CPXM2: variants seen among roughly 807,000 people sequenced by gnomAD.
CPXM2 encodes inactive carboxypeptidase-like protein X2.
A neutral mutation model predicts 86.1 loss-of-function variants in CPXM2; 66 were observed. The observed-to-expected ratio is 0.77, with a 90% CI of 0.63 to 0.94. The LOEUF (loss-of-function observed/expected upper bound fraction) is 0.94, where lower values mean the gene tolerates loss of function less well. CPXM2 is among the 40% of genes least tolerant of loss of function. The probability of loss-of-function intolerance (pLI) is 0.00; values close to 1 mark genes in which losing one functional copy is unlikely to be tolerated. For missense variants in CPXM2, 948 were observed against 1,026.3 expected, an observed-to-expected ratio of 0.92 and a Z score of 1.04; for synonymous variants, 388 against 400.2, an observed-to-expected ratio of 0.97 and a Z score of 0.36.
intron 2 of CPXM2, among the ~76,000 whole-genome samples, chr10:123,868,504 C>G (rs1381089891): frequency 6.6e-6 from 1 of 152,126 alleles, no homozygotes; most frequent in Admixed American, 6.6e-5. Flanking sequence ...TGTCTAGGAC[C>G]TGCCAGGAGA....
At chr10:123,882,815 C>T (rs1218486216) in intron 1 of CPXM2, among the ~76,000 whole-genome samples, 1 of 141,400 alleles carries the variant, frequency 7.1e-6, no homozygotes, top group Non-Finnish European at 1.5e-5. Context: ...GCCTGAAAAA[C>T]CCCCAACTCC....
intron 7 of CPXM2, among the ~76,000 whole-genome samples, chr10:123,773,741 G>A (rs182680941): frequency 1.3e-5 from 2 of 152,284 alleles, no homozygotes; most frequent in African/African-American, 2.4e-5. Context: ...GGGGTTAAAT[G>A]GTAGGAAAAG....
chr10:123,903,771 G>A lies in CPXM2; in HGVS notation n.175-23462C>T, dbSNP rs141071593. Among the ~76,000 whole-genome samples, 27 of 152,356 alleles carry A rather than the reference G, an allele frequency of 1.8e-4. No homozygotes were observed. In the East Asian group the frequency reaches 4.0e-3, roughly 23 times the overall value. On this transcript the variant is annotated intron_variant and non_coding_transcript_variant, in intron 2 of 19. Coordinates refer to the CPXM2 transcript ENST00000368854. ...CACTTGAAATTTTACAACAGATCTC[G>A]TTCTCAAAGGAGGAAAAAGTGGAGC...
At position 123,762,056 on chromosome 10, in the gene CPXM2, C is replaced by T; in HGVS notation, c.1593G>A (p.Arg531=). The T allele has an allele frequency of 1.2e-6, 2 of 1,614,014 alleles. No individual in the cohort carries two copies. The highest frequency in any genetic ancestry group is 1.7e-6 in the Non-Finnish European group (2 of 1,179,980). The change falls in exon 11 of 14, where the codon CGG becomes CGA. Residue 531 remains arginine (R), a synonymous_variant. Transcript: ENST00000241305. ...LVVAYPYDLV[R]SPWKTQEHTP... ...TGTGTTCCTGCGTCTTCCAGGGGGA[C>T]CGCACCAGGTCGTAGGGGTACGCCA... is the stretch of plus-strand genomic sequence containing the variant.
chr10:123,757,385 ACAATAC>A (rs767781478), intron 11 of CPXM2, 33 bp from the exon 12 acceptor site: 2 of 1,593,814 alleles, frequency 1.3e-6, no homozygotes, highest in Admixed American at 1.7e-5. Flanking sequence ...CTTTAACTGA[ACAATAC>A]TCAAAATGGC....
chr10:123,805,008 A>T (rs1263515564), intron 4 of CPXM2, among the ~76,000 whole-genome samples: 3 of 152,098 alleles, frequency 2.0e-5, no homozygotes, highest in Non-Finnish European at 4.4e-5. Flanking sequence ...AAGAGGACTT[A>T]TTACACATTC....
intron 13 of CPXM2, chr10:123,751,865 G>T: frequency 1.0e-6 from 1 of 985,236 alleles, no homozygotes; most frequent in Non-Finnish European, 1.2e-6. Context: ...ATTTATAGAG[G>T]GGAAAATCAA....
chr10:123,877,611 A>C (rs996167069), intron 2 of CPXM2, among the ~76,000 whole-genome samples: 1 of 152,188 alleles, frequency 6.6e-6, no homozygotes, highest in African/African-American at 2.4e-5. Context: ...TTCACCATCT[A>C]TTGGCCTAAA....
chr10:123,755,890 C>T (rs963914899), intron 12 of CPXM2, among the ~76,000 whole-genome samples: 4 of 152,204 alleles, frequency 2.6e-5, no homozygotes, highest in Non-Finnish European at 4.4e-5. Flanking sequence ...TTTCTCTTTA[C>T]AGGGATGCAA....
At chr10:123,880,331 C>A (rs770927444) in intron 1 of CPXM2, 22 bp from the exon 2 acceptor site, 1 of 1,043,364 alleles carries the variant, frequency 9.6e-7, no homozygotes, top group East Asian at 2.4e-5. Flanking sequence ...GAGAGAGATG[C>A]CTTTACTTTC....
At chr10:123,816,154 A>C (rs1847809248) in intron 4 of CPXM2, among the ~76,000 whole-genome samples, 1 of 152,174 alleles carries the variant, frequency 6.6e-6, no homozygotes, top group Admixed American at 6.5e-5. Context: ...CATCCCAGCT[A>C]GGAGGGTCCA....
intron 2 of CPXM2, among the ~76,000 whole-genome samples, chr10:123,867,259 T>G (rs1944806651): frequency 6.6e-6 from 1 of 152,196 alleles, no homozygotes; most frequent in African/African-American, 2.4e-5. Context: ...CAAGCCCATC[T>G]TAAAGACATA....
intron 6 of CPXM2, among the ~76,000 whole-genome samples, chr10:123,782,044 T>C (rs942744137): frequency 1.4e-4 from 22 of 152,304 alleles, no homozygotes; most frequent in African/African-American, 4.6e-4. Context: ...AACAAATAAC[T>C]GTTATGCGAA....
chr10:123,787,561 T>G (rs552949701), intron 6 of CPXM2, among the ~76,000 whole-genome samples: 1 of 152,256 alleles, frequency 6.6e-6, no homozygotes, highest in East Asian at 1.9e-4. Context: ...CTCAAACTCC[T>G]GACCTCAGGT....
intron 6 of CPXM2, among the ~76,000 whole-genome samples, chr10:123,790,087 C>T (rs1241738992): frequency 1.3e-5 from 2 of 152,034 alleles, no homozygotes; most frequent in African/African-American, 2.4e-5. Flanking sequence ...CACTGCACTC[C>T]AACCTGGGTG....
Position 123,898,640 on chromosome 10 carries a change from A to C in CPXM2, n.175-18331T>G, listed in dbSNP as rs1247123975. ...CAACAGAGTGAGACTCTGTCTCCAA[A>C]AACAAACAAACAAACAAAAGTTCCA... On this transcript the variant is annotated intron_variant and non_coding_transcript_variant, in intron 2 of 19. Coordinates refer to the CPXM2 transcript ENST00000368854. Among the ~76,000 whole-genome samples the C allele has an allele frequency of 3.3e-5, 5 of 150,358 alleles. No homozygotes were observed. The East Asian group carries it at 9.6e-4, about 29-fold the overall frequency.
At chr10:123,780,866 A>C (rs529496185) in intron 6 of CPXM2, among the ~76,000 whole-genome samples, 15 of 152,144 alleles carry the variant, frequency 9.9e-5, no homozygotes, top group South Asian at 2.1e-4. Flanking sequence ...CACAGCATCT[A>C]CTGGCCACTG....
chr10:123,797,968 GA>G lies in CPXM2; in HGVS notation c.889+7del, dbSNP rs1564774355. On this transcript the variant is annotated splice_region_variant and intron_variant, in intron 6 of 13. Coordinates refer to ENST00000241305, the MANE Select transcript of CPXM2 (RefSeq NM_198148.3). ...CACCCTGCAGGAAGCACAGGAGGGT[GA>G]ACTCACCTGGCAGTGGGCAGCCCAG... 1.8e-5 allele frequency: 28 copies of G among 1,592,208 alleles called. No individual in the cohort carries two copies. Among genetic ancestry groups the G allele is most frequent in the Non-Finnish European group, 2.3e-5 (27 of 1,169,782 alleles).
chr10:123,803,677 T>C (rs1847513035), intron 4 of CPXM2, among the ~76,000 whole-genome samples: 3 of 152,138 alleles, frequency 2.0e-5, no homozygotes, highest in Admixed American at 2.0e-4. Context: ...TTTTTGTTTT[T>C]TTGAGACAGA....
Sources: gnomAD v4.1 joint callset for allele counts (sites outside exome capture counted in the v4.1 genomes callset) on GRCh38, gnomAD v4.1.1 for gene constraint, MANE v1.5 for transcripts, NCBI Gene and HGNC (gene_info 2026-07-23, HGNC 2026-07-21) for gene names.